The following PHACTR3 variants were observed in gnomAD, a reference collection of about 807,000 sequenced individuals.
The protein encoded by PHACTR3 is protein phosphatase 1, regulatory subunit 123.
In PHACTR3, 16 loss-of-function variants were observed where a neutral mutation model predicts 66.8. The ratio of observed to expected loss-of-function variants is 0.24; its 90% CI spans 0.16 to 0.36. PHACTR3 has a LOEUF of 0.36. Ranked by LOEUF, PHACTR3 falls within the 10% of genes least tolerant of loss-of-function variation. The pLI, the probability that PHACTR3 is intolerant of heterozygous loss-of-function variation, is 1.00. For synonymous variants in PHACTR3, 323 were observed against 292.1 expected, an observed-to-expected ratio of 1.11 and a Z score of -1.08; for missense variants, 647 against 719.9, an observed-to-expected ratio of 0.90 and a Z score of 1.16.
intron 1 of PHACTR3, among the ~76,000 whole-genome samples, chr20:59,708,022 A>G (rs1362553189): frequency 6.6e-6 from 1 of 152,236 alleles, no homozygotes; most frequent in Non-Finnish European, 1.5e-5. Context: ...AAGTCCTGGA[A>G]TGGATTCTCA....
chr20:59,653,161 G>A (rs992022687), intron 1 of PHACTR3, among the ~76,000 whole-genome samples: 2 of 151,838 alleles, frequency 1.3e-5, no homozygotes, highest in Admixed American at 1.3e-4. Flanking sequence ...TATATATCAA[G>A]TTGGTAGCTT....
intron 1 of PHACTR3, among the ~76,000 whole-genome samples, chr20:59,641,991 G>A (rs1426148349): frequency 6.6e-6 from 1 of 152,204 alleles, no homozygotes; most frequent in Non-Finnish European, 1.5e-5. Context: ...ATCCTGAGTG[G>A]ATGTCACATG....
intron 1 of PHACTR3, among the ~76,000 whole-genome samples, chr20:59,659,370 C>CTTTTTTTT (rs757895372): frequency 2.2e-5 from 2 of 92,764 alleles, no homozygotes; most frequent in Non-Finnish European, 4.0e-5. Context: ...GGGTCTGGGA[C>CTTTTTTTT]TTTTTTTTTT....
At chr20:59,583,969 C>G (rs1822619442) in intron 1 of PHACTR3, among the ~76,000 whole-genome samples, 1 of 152,256 alleles carries the variant, frequency 6.6e-6, no homozygotes, top group Admixed American at 6.5e-5. Flanking sequence ...AATTCAGCAG[C>G]TCTTGGGCCT....
At chr20:59,731,215 T>C (rs1428991217) in intron 1 of PHACTR3, among the ~76,000 whole-genome samples, 1 of 152,226 alleles carries the variant, frequency 6.6e-6, no homozygotes, top group Admixed American at 6.5e-5. Context: ...TGATGTGTTA[T>C]TTCACTTTTT....
At chr20:59,718,917 A>G (rs141886896) in intron 1 of PHACTR3, among the ~76,000 whole-genome samples, 1 of 152,362 alleles carries the variant, frequency 6.6e-6, no homozygotes, top group East Asian at 1.9e-4. Flanking sequence ...GTCACCAGAA[A>G]GCGTCTCTGC....
intron 3 of PHACTR3, among the ~76,000 whole-genome samples, chr20:59,749,565 A>G (rs951165278): frequency 1.3e-5 from 2 of 152,160 alleles, no homozygotes. Context: ...TCTGACGGCG[A>G]CATCACACAC....
intron 1 of PHACTR3, among the ~76,000 whole-genome samples, chr20:59,629,099 G>A (rs543985818): frequency 3.9e-5 from 6 of 152,342 alleles, no homozygotes; most frequent in African/African-American, 1.2e-4. Flanking sequence ...ATAGCTTCAC[G>A]ACAACCAGGT....
At chr20:59,581,042 C>T (rs1168131668) in intron 1 of PHACTR3, among the ~76,000 whole-genome samples, 3 of 152,188 alleles carry the variant, frequency 2.0e-5, no homozygotes, top group African/African-American at 7.2e-5. Flanking sequence ...CTCCTCCGGT[C>T]CAGAAATGGA....
chr20:59,612,400 G>A (rs1032885005), intron 1 of PHACTR3, among the ~76,000 whole-genome samples: 3 of 148,652 alleles, frequency 2.0e-5, no homozygotes, highest in Non-Finnish European at 3.0e-5. Context: ...TCACTCTGTC[G>A]CCCAGGCTGG....
intron 1 of PHACTR3, among the ~76,000 whole-genome samples, chr20:59,587,161 C>T (rs1000211812): frequency 1.3e-5 from 2 of 152,220 alleles, no homozygotes; most frequent in Non-Finnish European, 2.9e-5. Flanking sequence ...CCCCGTGTGC[C>T]CTACAGGTGG....
intron 7 of PHACTR3, among the ~76,000 whole-genome samples, chr20:59,796,272 A>G (rs762920958): frequency 4.6e-5 from 7 of 152,126 alleles, no homozygotes; most frequent in Non-Finnish European, 8.8e-5. Context: ...GTTTTTAATT[A>G]TGCTGCCTTA....
At chr20:59,758,643 T>A (rs766322471) in intron 4 of PHACTR3, among the ~76,000 whole-genome samples, 10 of 152,176 alleles carry the variant, frequency 6.6e-5, no homozygotes, top group Non-Finnish European at 5.9e-5. Context: ...TTTAGCTTAC[T>A]TAGCCCTGGA....
At chr20:59,752,447 C>A (rs1450394703) in intron 3 of PHACTR3, among the ~76,000 whole-genome samples, 1 of 151,108 alleles carries the variant, frequency 6.6e-6, no homozygotes, top group Non-Finnish European at 1.5e-5. Context: ...CCCCCAACCC[C>A]TCCCCAACCA....
At chr20:59,581,014 C>T (rs538883814) in intron 1 of PHACTR3, among the ~76,000 whole-genome samples, 11 of 152,288 alleles carry the variant, frequency 7.2e-5, no homozygotes, top group Admixed American at 1.3e-4. Context: ...GAGGACTGGA[C>T]GGCTGAGACC....
chr20:59,687,256 GTGATGATGGTGATGA>G (rs1243021667), intron 1 of PHACTR3, among the ~76,000 whole-genome samples: 11 of 151,890 alleles, frequency 7.2e-5, no homozygotes, highest in Admixed American at 2.0e-4. Context: ...GGTGATAGTG[GTGATGATGGTGATGA>G]TGATCATAGT....
intron 7 of PHACTR3, among the ~76,000 whole-genome samples, chr20:59,782,479 T>C (rs1344696017): frequency 2.0e-5 from 3 of 152,186 alleles, no homozygotes; most frequent in Non-Finnish European, 2.9e-5. Context: ...CTGGAACTCC[T>C]GACCTCAGGT....
intron 7 of PHACTR3, among the ~76,000 whole-genome samples, chr20:59,779,619 C>T (rs2040655098): frequency 6.6e-6 from 1 of 152,262 alleles, no homozygotes; most frequent in East Asian, 1.9e-4. Flanking sequence ...CTCTCTCCCT[C>T]TCTTTCCCCT....
chr20:59,789,022 T>C (rs1287764384), intron 7 of PHACTR3, among the ~76,000 whole-genome samples: 1 of 152,244 alleles, frequency 6.6e-6, no homozygotes, highest in Admixed American at 6.5e-5. Context: ...GATGAAGCGA[T>C]GGTAGCTGCC....
Sources: gnomAD v4.1 joint callset for allele counts (sites outside exome capture counted in the v4.1 genomes callset) on GRCh38, gnomAD v4.1.1 for gene constraint, MANE v1.5 for transcripts, NCBI Gene and HGNC (gene_info 2026-07-23, HGNC 2026-07-21) for gene names.